The following AFF3 variants were observed in gnomAD, a reference collection of about 807,000 sequenced individuals.
AFF3 encodes AF4/FMR2 family member 3.
A neutral mutation model predicts 129.7 loss-of-function variants in AFF3; 32 were observed. The ratio of observed to expected loss-of-function variants is 0.25; its 90% confidence interval spans 0.19 to 0.33. AFF3 has a LOEUF of 0.33. AFF3 is among the 10% of genes least tolerant of loss of function. The probability of loss-of-function intolerance (pLI) is 1.00; values close to 1 mark genes in which losing one functional copy is unlikely to be tolerated. For synonymous variants in AFF3, 644 were observed against 635.4 expected (o/e 1.01, Z -0.20); for missense variants, 1,373 against 1,592.0 (o/e 0.86, Z 2.34).
intron 7 of AFF3, among the ~76,000 whole-genome samples, chr2:99,867,182 T>C (rs1407079283): frequency 3.3e-5 from 5 of 152,024 alleles, no homozygotes; most frequent in Non-Finnish European, 5.9e-5. Flanking sequence ...CTCCCACTAC[T>C]CATTTAACAA....
intron 11 of AFF3, among the ~76,000 whole-genome samples, chr2:99,689,453 G>T (rs1675384103): frequency 6.6e-6 from 1 of 152,032 alleles, no homozygotes; most frequent in African/African-American, 2.4e-5. Flanking sequence ...AAAGGGCACA[G>T]CTTTTTGGTG....
intron 4 of AFF3, among the ~76,000 whole-genome samples, chr2:100,084,276 A>T (rs1689255494): frequency 6.6e-6 from 1 of 152,256 alleles, no homozygotes; most frequent in African/African-American, 2.4e-5. Flanking sequence ...TCATAGCTAA[A>T]CACATTGTGC....
At chr2:99,999,567 A>T (rs939139527) in intron 7 of AFF3, among the ~76,000 whole-genome samples, 7 of 152,208 alleles carry the variant, frequency 4.6e-5, no homozygotes, top group Admixed American at 1.3e-4. Context: ...TTCTACATTC[A>T]GAGCTGTCAA....
intron 8 of AFF3, among the ~76,000 whole-genome samples, chr2:99,780,736 T>C (rs1222190335): frequency 6.6e-6 from 1 of 152,158 alleles, no homozygotes; most frequent in East Asian, 1.9e-4. Context: ...TCATCTTGAC[T>C]TCTCTCTTTC....
At position 99,827,346 on chromosome 2, in the gene AFF3, C is replaced by T. The variant is rs559648879; in HGVS notation, c.921+10131G>A. 1.4e-4 allele frequency among the ~76,000 whole-genome samples: 22 copies of T among 152,236 alleles called. No homozygotes were observed. The South Asian group carries it at 4.6e-3, about 32-fold the overall frequency. On this transcript the variant is annotated intron_variant, in intron 8 of 24. Coordinates refer to ENST00000672756, the MANE Select transcript of AFF3 (RefSeq NM_001386135.1). Reference sequence around the variant, plus strand: ...GTAGGAGACCCAGGAGAAAGGACCACAAAGTGGGTGAACCCAGGAGGGTGT... The same window carrying T: ...GTAGGAGACCCAGGAGAAAGGACCATAAAGTGGGTGAACCCAGGAGGGTGT...
intron 7 of AFF3, among the ~76,000 whole-genome samples, chr2:99,939,957 ATAGT>A (rs1674873386): frequency 6.6e-6 from 1 of 152,174 alleles, no homozygotes; most frequent in South Asian, 2.1e-4. Flanking sequence ...GCTTTAGATG[ATAGT>A]TAGATGTGTT....
chr2:100,102,121 C>T lies in AFF3; in HGVS notation c.53+2281G>A, dbSNP rs144269483. Among the ~76,000 whole-genome samples, 1,249 of 152,242 alleles carry T rather than the reference C, an allele frequency of 8.2e-3. 22 individuals carry two copies. The highest frequency in any genetic ancestry group is 0.028 in the African/African-American group (1,183 of 41,532). Reference sequence around the variant, plus strand: ...AATGGATATGAAAATATTGGACACACAGAAAGTTCTCAAATATTAGTTATT... The same window carrying T: ...AATGGATATGAAAATATTGGACACATAGAAAGTTCTCAAATATTAGTTATT... On this transcript the variant is annotated intron_variant, in intron 4 of 24. Transcript: ENST00000672756.
chr2:100,044,332 T>A (rs1685667664), intron 4 of AFF3, among the ~76,000 whole-genome samples: 1 of 152,220 alleles, frequency 6.6e-6, no homozygotes, highest in Non-Finnish European at 1.5e-5. Context: ...CTTTCTGTTT[T>A]CATCTGTCAC....
intron 1 of AFF3, among the ~76,000 whole-genome samples, chr2:100,141,845 GA>G (rs1692894055): frequency 6.6e-6 from 1 of 152,008 alleles, no homozygotes; most frequent in Admixed American, 6.6e-5. Context: ...ATAAATACAT[GA>G]TGTGTTTATG....
intron 14 of AFF3, among the ~76,000 whole-genome samples, chr2:99,596,583 C>T (rs1303743795): frequency 6.6e-5 from 10 of 151,978 alleles, no homozygotes; most frequent in Non-Finnish European, 1.0e-4. Context: ...CACACACACA[C>T]GGCAGAACAC....
In AFF3 at chr2:100,104,522, C is replaced by A; in HGVS notation, c.-64-4G>T. On this transcript the variant is annotated splice_polypyrimidine_tract_variant and splice_region_variant and intron_variant, in intron 3 of 24. Coordinates refer to ENST00000672756, the MANE Select transcript of AFF3 (RefSeq NM_001386135.1). ...CGAGGCTCGGGCCGCCCGCGCGCTG[C>A]AACGAAAGGCGCCGCTCAAGGTGCA... 2 of 1,255,064 alleles carry A rather than the reference C, an allele frequency of 1.6e-6. No homozygotes were observed. The highest frequency in any genetic ancestry group is 3.0e-5 in the Admixed American group (1 of 33,628). The allele number at this position is 1,255,064 out of a possible 1,614,324, so 77.7% of individuals were successfully genotyped here. A position where few individuals can be genotyped will look rare whatever the true frequency, so the allele number is the denominator to read the frequency against.
intron 1 of AFF3, among the ~76,000 whole-genome samples, chr2:100,141,851 T>C (rs1012846561): frequency 6.6e-6 from 1 of 152,126 alleles, no homozygotes; most frequent in African/African-American, 2.4e-5. Context: ...ACATGATGTG[T>C]TTATGCACAT....
intron 20 of AFF3, among the ~76,000 whole-genome samples, chr2:99,565,221 G>A (rs1343279201): frequency 6.6e-6 from 1 of 151,660 alleles, no homozygotes; most frequent in African/African-American, 2.4e-5. Flanking sequence ...TCCTAGCTGA[G>A]AGGAGCAGGC....
At chr2:99,817,180 ATTCT>A (rs1429971733) in intron 8 of AFF3, among the ~76,000 whole-genome samples, 2 of 152,132 alleles carry the variant, frequency 1.3e-5, no homozygotes, top group Non-Finnish European at 2.9e-5. Context: ...GCTTCTCGAG[ATTCT>A]CCCAGGTCTT....
At chr2:99,837,605 C>CT in intron 7 of AFF3, 81 bp from the exon 8 acceptor site, 2 of 1,299,270 alleles carry the variant, frequency 1.5e-6, no homozygotes, top group South Asian at 2.5e-5. Flanking sequence ...CCAAATTAGT[C>CT]CCCCCCAACA....
chr2:99,681,343 G>A (rs1575679703), intron 11 of AFF3, among the ~76,000 whole-genome samples: 1 of 152,192 alleles, frequency 6.6e-6, no homozygotes, highest in East Asian at 1.9e-4. Flanking sequence ...TTTCAGTAAT[G>A]GGTTTAGCAT....
intron 7 of AFF3, among the ~76,000 whole-genome samples, chr2:99,894,625 C>T (rs948003457): frequency 1.5e-4 from 23 of 151,872 alleles, no homozygotes; most frequent in African/African-American, 4.8e-4. Context: ...CCCGCCACCA[C>T]GCCCGGCTAA....
At chr2:100,015,321 C>T (rs571054170) in intron 4 of AFF3, among the ~76,000 whole-genome samples, 4 of 152,238 alleles carry the variant, frequency 2.6e-5, no homozygotes, top group Admixed American at 2.6e-4. Context: ...TGCCTCTAAG[C>T]AGCCTGGCCA....
At chr2:99,974,107 A>G (rs1678649847) in intron 7 of AFF3, among the ~76,000 whole-genome samples, 1 of 152,246 alleles carries the variant, frequency 6.6e-6, no homozygotes, top group Admixed American at 6.5e-5. Flanking sequence ...GAGGTAAATG[A>G]AAGTCAAATG....
Sources: allele counts gnomAD v4.1 joint callset (sites outside exome capture counted in the v4.1 genomes callset), GRCh38; gene constraint gnomAD v4.1.1; transcripts MANE v1.5; gene names NCBI Gene and HGNC (gene_info 2026-07-23, HGNC 2026-07-21).